The following PAK5 variants were observed in gnomAD, a reference collection of about 807,000 sequenced individuals.
PAK5 encodes the protein serine/threonine-protein kinase PAK 5.
PAK5 carries 16 observed loss-of-function variants against 65.9 expected under a neutral mutation model. That is an observed-to-expected ratio of 0.24 (90% CI 0.16 to 0.37). PAK5 has a LOEUF of 0.37. Among genes scored for constraint, PAK5 ranks in the 10% least tolerant of loss-of-function variants. PAK5 has a pLI of 1.00. For synonymous variants in PAK5, 371 were observed against 354.9 expected (o/e 1.05, Z -0.51); for missense variants, 785 against 903.9 (o/e 0.87, Z 1.69).
chr20:9,610,140 T>C (rs2046531512), intron 3 of PAK5, among the ~76,000 whole-genome samples: 1 of 152,132 alleles, frequency 6.6e-6, no homozygotes, highest in African/African-American at 2.4e-5. Context: ...AGTATCTTGG[T>C]GAGAGCTGAA....
At chr20:9,719,146 A>C (rs1294896650) in intron 1 of PAK5, among the ~76,000 whole-genome samples, 2 of 152,206 alleles carry the variant, frequency 1.3e-5, no homozygotes, top group East Asian at 3.8e-4. Flanking sequence ...TAAAAATTGA[A>C]TAAGTAACTT....
intron 7 of PAK5, among the ~76,000 whole-genome samples, chr20:9,550,202 G>A (rs376708178): frequency 2.0e-5 from 3 of 152,270 alleles, no homozygotes; most frequent in African/African-American, 7.2e-5. Flanking sequence ...AATGGGGAAG[G>A]GTCTGGCACA....
chr20:9,585,603 C>T (rs953325530), intron 3 of PAK5, among the ~76,000 whole-genome samples: 32 of 152,172 alleles, frequency 2.1e-4, no homozygotes, highest in African/African-American at 7.7e-4. Flanking sequence ...TTTCAGTGCA[C>T]ACTTGCTATG....
chr20:9,789,841 A>G (rs1030770932), intron 1 of PAK5, among the ~76,000 whole-genome samples: 1 of 152,140 alleles, frequency 6.6e-6, no homozygotes, highest in East Asian at 1.9e-4. Context: ...ATGGGTTGGC[A>G]TCAGTCAAAA....
At chr20:9,600,414 T>C (rs528013378) in intron 3 of PAK5, among the ~76,000 whole-genome samples, 1 of 152,336 alleles carries the variant, frequency 6.6e-6, no homozygotes, top group South Asian at 2.1e-4. Context: ...AGGGATTGGA[T>C]TGAACCTATG....
intron 3 of PAK5, among the ~76,000 whole-genome samples, chr20:9,606,753 T>G (rs1326031107): frequency 6.6e-6 from 1 of 152,202 alleles, no homozygotes; most frequent in African/African-American, 2.4e-5. Context: ...TGATCTGATG[T>G]GTTTCCTTTG....
intron 2 of PAK5, among the ~76,000 whole-genome samples, chr20:9,676,238 C>A (rs769649661): frequency 3.3e-5 from 5 of 151,928 alleles, no homozygotes; most frequent in Non-Finnish European, 7.4e-5. Flanking sequence ...TACCTCCCAC[C>A]GAGTCCCTCC....
chr20:9,585,586 AT>A (rs539417960), intron 3 of PAK5, among the ~76,000 whole-genome samples: 47 of 152,322 alleles, frequency 3.1e-4, no homozygotes, highest in Middle Eastern at 3.4e-3. Flanking sequence ...CTAGATTCCA[AT>A]TTCAATTTCA....
intron 3 of PAK5, among the ~76,000 whole-genome samples, chr20:9,624,902 C>G (rs764070305): frequency 1.3e-5 from 2 of 152,168 alleles, no homozygotes; most frequent in East Asian, 1.9e-4. Flanking sequence ...CAGAAACAAA[C>G]AAACAAATTA....
At chr20:9,714,098 T>C (rs2048112203) in intron 1 of PAK5, among the ~76,000 whole-genome samples, 1 of 152,130 alleles carries the variant, frequency 6.6e-6, no homozygotes, top group Admixed American at 6.6e-5. Flanking sequence ...TGTATACATG[T>C]ATCAAAACAT....
chr20:9,638,273 G>C lies in PAK5; in HGVS notation c.204+5852C>G, dbSNP rs114031760. Among the ~76,000 whole-genome samples the C allele has an allele frequency of 7.3e-3, 1,113 of 152,308 alleles. 14 individuals carry two copies. The highest frequency in any genetic ancestry group is 0.025 in the African/African-American group (1,049 of 41,556). On this transcript the variant is annotated intron_variant, in intron 3 of 9. Transcript: ENST00000353224. ...GACGAAATGACATTAGATATAAAAG[G>C]AGTTTCTCAATGATATTTGCCAAAT...
At chr20:9,683,050 A>T (rs151153285) in intron 2 of PAK5, among the ~76,000 whole-genome samples, 49 of 152,288 alleles carry the variant, frequency 3.2e-4, no homozygotes, top group African/African-American at 9.6e-4. Context: ...TTGGGCTGAT[A>T]CTCTTCCCTT....
rs147850321 is a variant in PAK5 at position 9,724,255 on chromosome 20, G to T, written c.-161-12820C>A. ...TAGTACCAAAGTATGATATTTTTAAGAGTTATTGTCAAATTTGAGAAACTT... is the reference window on the plus strand; with the variant it reads ...TAGTACCAAAGTATGATATTTTTAATAGTTATTGTCAAATTTGAGAAACTT... On this transcript the variant is annotated intron_variant, in intron 1 of 9. Coordinates refer to ENST00000353224, the MANE Select transcript of PAK5 (RefSeq NM_177990.4). 6.6e-5 allele frequency among the ~76,000 whole-genome samples: 10 copies of T among 152,308 alleles called. No homozygotes were observed. The East Asian group carries it at 1.3e-3, about 21-fold the overall frequency.
intron 7 of PAK5, among the ~76,000 whole-genome samples, chr20:9,546,369 GT>G (rs564194877): frequency 5.9e-5 from 9 of 152,020 alleles, no homozygotes; most frequent in Non-Finnish European, 1.2e-4. Flanking sequence ...AGTTCAATGT[GT>G]TTTTTTAACA....
At chr20:9,581,803 A>T (rs1399405011) in intron 3 of PAK5, among the ~76,000 whole-genome samples, 1 of 152,188 alleles carries the variant, frequency 6.6e-6, no homozygotes, top group Non-Finnish European at 1.5e-5. Flanking sequence ...GCAGGCAAAT[A>T]TGATGGGGGT....
rs2045195062 is a variant in PAK5, at chr20:9,537,836, A to C, written c.*1626T>G. The C allele has an allele frequency of 4.4e-6, 1 of 226,218 alleles. No homozygotes were observed. Among genetic ancestry groups the C allele is most frequent in the Admixed American group, 5.7e-5 (1 of 17,544 alleles). 14.0% of individuals were successfully genotyped at this position (226,218 alleles called of 1,614,324 possible). A position where few individuals can be genotyped will look rare whatever the true frequency, so the allele number is the denominator to read the frequency against. On this transcript the variant is annotated 3_prime_UTR_variant, in exon 10 of 10. Transcript: ENST00000353224. ...GGAGGCATTTCCAGTTTGAAAGAAAACTGAAAATCTAATCAGTAGAAGGTC... is the reference window on the plus strand; with the variant it reads ...GGAGGCATTTCCAGTTTGAAAGAAACCTGAAAATCTAATCAGTAGAAGGTC...
chr20:9,593,311 A>G (rs1271815806), intron 3 of PAK5, among the ~76,000 whole-genome samples: 2 of 152,040 alleles, frequency 1.3e-5, no homozygotes, highest in Non-Finnish European at 2.9e-5. Context: ...ATCAAAAGAA[A>G]AAAAAAGAGT....
chr20:9,830,867 A>G (rs1056301507), intron 1 of PAK5, among the ~76,000 whole-genome samples: 1 of 152,204 alleles, frequency 6.6e-6, no homozygotes, highest in Non-Finnish European at 1.5e-5. Flanking sequence ...AAAGAGAGGG[A>G]TGAGTGGTAT....
intron 2 of PAK5, among the ~76,000 whole-genome samples, chr20:9,698,503 G>A (rs1174466857): frequency 6.6e-6 from 1 of 151,998 alleles, no homozygotes; most frequent in African/African-American, 2.4e-5. Flanking sequence ...TTAATTACAA[G>A]AATCAAAAAG....
Sources: allele counts gnomAD v4.1 joint callset (sites outside exome capture counted in the v4.1 genomes callset), GRCh38; gene constraint gnomAD v4.1.1; transcripts MANE v1.5; gene names NCBI Gene and HGNC (gene_info 2026-07-23, HGNC 2026-07-21).